ABCB5: variants seen among roughly 807,000 people sequenced by gnomAD.
ABCB5 encodes the protein ATP-binding cassette sub-family B member 5.
A neutral mutation model predicts 144.2 loss-of-function variants in ABCB5; 155 were observed. The observed-to-expected ratio is 1.08, with a 90% CI of 0.94 to 1.23. The LOEUF (loss-of-function observed/expected upper bound fraction) is 1.23, where lower values mean the gene tolerates loss of function less well. ABCB5 is among the 50% of genes most tolerant of loss of function. The pLI, the probability that ABCB5 is intolerant of heterozygous loss-of-function variation, is 0.00. For missense variants in ABCB5, 1,830 were observed against 1,520.8 expected (o/e 1.20, Z -3.38); for synonymous variants, 610 against 528.6 (o/e 1.15, Z -2.11).
chr7:20,651,087 A>C (rs1784567842), intron 12 of ABCB5, among the ~76,000 whole-genome samples: 2 of 152,198 alleles, frequency 1.3e-5, no homozygotes, highest in Admixed American at 6.5e-5. Context: ...GTCACATCCA[A>C]AACTGAAGTT....
intron 1 of ABCB5, 106 bp from the exon 2 acceptor site, chr7:20,623,159 C>T (rs1052686051): frequency 2.8e-6 from 2 of 710,444 alleles, no homozygotes; most frequent in East Asian, 2.9e-5. Context: ...TTCTGAGATG[C>T]TTCCTTTTTC....
At chr7:20,693,454 G>A (rs1381455832) in intron 16 of ABCB5, among the ~76,000 whole-genome samples, 1 of 152,046 alleles carries the variant, frequency 6.6e-6, no homozygotes, top group Non-Finnish European at 1.5e-5. Context: ...AAGTGGTCTG[G>A]GAAACCTTGA....
In ABCB5 at chr7:20,649,913, G is replaced by GT. The variant is rs1280884222; in HGVS notation, c.1207-104dup. 5.6e-6 allele frequency: 7 copies of GT among 1,239,662 alleles called. No individual in the cohort carries two copies. The African/African-American group carries it at 9.2e-5, about 16-fold the overall frequency. The allele number at this position is 1,239,662 out of a possible 1,614,324, so 76.8% of individuals were successfully genotyped here. On this transcript the variant is annotated intron_variant, in intron 11 of 27. Coordinates refer to ENST00000404938, the MANE Select transcript of ABCB5 (RefSeq NM_001163941.2). ...AACAAACATAACAAGATCTAAATTT[G>GT]TTTTTAGAAGAATTTGTTTTTGGTT...
At chr7:20,652,008 A>G (rs1410324925) in intron 13 of ABCB5, among the ~76,000 whole-genome samples, 1 of 152,244 alleles carries the variant, frequency 6.6e-6, no homozygotes, top group Non-Finnish European at 1.5e-5. Context: ...GAAATGCATC[A>G]TTGAAAGGCC....
At chr7:20,618,658 TACA>T (rs1783739217) in intron 1 of ABCB5, among the ~76,000 whole-genome samples, 1 of 151,072 alleles carries the variant, frequency 6.6e-6, no homozygotes, top group African/African-American at 2.4e-5. Flanking sequence ...AGTGAAAACA[TACA>T]ACATTTGGTT....
At chr7:20,656,798 A>T (rs1784807583) in intron 13 of ABCB5, among the ~76,000 whole-genome samples, 1 of 152,180 alleles carries the variant, frequency 6.6e-6, no homozygotes, top group Non-Finnish European at 1.5e-5. Flanking sequence ...TATCTTGTAC[A>T]TGAATATTCA....
At position 20,756,183 on chromosome 7, in the gene ABCB5, G is replaced by A. The variant is rs918054407; in HGVS notation, c.*559G>A. Reference sequence around the variant, plus strand: ...TTTTTGTTGAGCAGGGAATAGAAAGGATTACGATGTAAAATTTCTGGGAGG... The same window carrying A: ...TTTTTGTTGAGCAGGGAATAGAAAGAATTACGATGTAAAATTTCTGGGAGG... On this transcript the variant is annotated 3_prime_UTR_variant, in exon 28 of 28. Coordinates refer to ENST00000404938, the MANE Select transcript of ABCB5 (RefSeq NM_001163941.2). 2.0e-5 allele frequency: 3 copies of A among 152,680 alleles called. No individual in the cohort carries two copies. Among genetic ancestry groups the A allele is most frequent in the African/African-American group, 7.2e-5 (3 of 41,440 alleles). 9.5% of individuals were successfully genotyped at this position (152,680 alleles called of 1,614,324 possible). A position where few individuals can be genotyped will look rare whatever the true frequency, so the allele number is the denominator to read the frequency against.
At chr7:20,636,525 C>A (rs73276596) in intron 5 of ABCB5, among the ~76,000 whole-genome samples, 14,602 of 151,876 alleles carry the variant, frequency 0.096, 806 homozygotes, top group African/African-American at 0.15. Flanking sequence ...TGGCTCACTC[C>A]TGTAATCCCA....
chr7:20,712,844 A>G (rs1562574401), intron 20 of ABCB5, among the ~76,000 whole-genome samples: 1 of 149,886 alleles, frequency 6.7e-6, no homozygotes, highest in Non-Finnish European at 1.5e-5. Flanking sequence ...AGTCATTATG[A>G]AATGGATAAA....
intron 4 of ABCB5, among the ~76,000 whole-genome samples, chr7:20,631,259 T>A (rs141310196): frequency 2.4e-4 from 37 of 152,276 alleles, no homozygotes; most frequent in African/African-American, 8.7e-4. Context: ...GAAATCTCCA[T>A]TTCTGCCACA....
intron 12 of ABCB5, 106 bp from the exon 13 acceptor site, chr7:20,651,314 T>G: frequency 9.9e-7 from 1 of 1,012,498 alleles, no homozygotes; most frequent in South Asian, 1.6e-5. Context: ...AGTCTTTGAT[T>G]TCTAAAATAT....
intron 26 of ABCB5, among the ~76,000 whole-genome samples, chr7:20,750,487 G>A (rs1328370774): frequency 1.3e-5 from 2 of 152,046 alleles, no homozygotes; most frequent in South Asian, 2.1e-4. Flanking sequence ...AAAATGATGT[G>A]AGGATATAAT....
At chr7:20,635,182 T>C (rs1490972018) in intron 5 of ABCB5, among the ~76,000 whole-genome samples, 1 of 152,142 alleles carries the variant, frequency 6.6e-6, no homozygotes, top group Non-Finnish European at 1.5e-5. Flanking sequence ...GTGTATGTTT[T>C]TGTTGGCTTT....
rs1215296242 is a variant in ABCB5, at chr7:20,668,599, G to GT, written c.1707+9923_1707+9924insT. 1.0e-4 allele frequency among the ~76,000 whole-genome samples: 15 copies of GT among 146,142 alleles called. No individual in the cohort carries two copies. The South Asian group carries it at 1.5e-3, about 15-fold the overall frequency. On this transcript the variant is annotated intron_variant, in intron 14 of 27. Coordinates refer to ENST00000404938, the MANE Select transcript of ABCB5 (RefSeq NM_001163941.2). ...CCGTCCGGGAGGGAGGTGGGGGGGG[G>GT]GGTCAGCCCCCCGCCCGGCCAGCCG...
At chr7:20,652,014 A>C (rs564743911) in intron 13 of ABCB5, among the ~76,000 whole-genome samples, 2 of 152,350 alleles carry the variant, frequency 1.3e-5, no homozygotes, top group East Asian at 3.9e-4. Flanking sequence ...CATCATTGAA[A>C]GGCCAGATTG....
rs763832811 is a variant in ABCB5, at chr7:20,643,160, C to A, written c.315-24C>A. ...AGATAAAAATGTTGTGCTTCAGTCTCACATTCTAATACTCTTTCTTCAGGT... is the reference window on the plus strand; with the variant it reads ...AGATAAAAATGTTGTGCTTCAGTCTAACATTCTAATACTCTTTCTTCAGGT... On this transcript the variant is annotated intron_variant, in intron 5 of 27. Transcript: ENST00000404938. 13 of 1,572,232 alleles carry A rather than the reference C, an allele frequency of 8.3e-6. No homozygotes were observed. The South Asian group carries it at 1.5e-4, about 18-fold the overall frequency.
At chr7:20,746,264 A>G (rs1782718977) in intron 26 of ABCB5, among the ~76,000 whole-genome samples, 1 of 151,800 alleles carries the variant, frequency 6.6e-6, no homozygotes, top group African/African-American at 2.4e-5. Context: ...CGCCCGGCTA[A>G]TTTTTTGTAT....
At chr7:20,659,775 C>A (rs1784938874) in intron 14 of ABCB5, 2 of 984,916 alleles carry the variant, frequency 2.0e-6, no homozygotes, top group South Asian at 4.7e-5. Flanking sequence ...CCTCTGCCCA[C>A]TGTGTTCAAG....
rs772885348 is a variant in ABCB5, at chr7:20,755,665, AAAG to A, written c.*45_*47del. On this transcript the variant is annotated 3_prime_UTR_variant, in exon 28 of 28. Coordinates refer to ENST00000404938, the MANE Select transcript of ABCB5 (RefSeq NM_001163941.2). ...ACATATTTTGATGTTCGTGTAATGC[AAAG>A]AAGGAGTACTTAATAATTACTTGGC... 3.2e-6 allele frequency: 5 copies of A among 1,578,218 alleles called. No individual in the cohort carries two copies. The South Asian group carries it at 4.5e-5, about 14-fold the overall frequency.
Sources: gnomAD v4.1 joint callset for allele counts (sites outside exome capture counted in the v4.1 genomes callset) on GRCh38, gnomAD v4.1.1 for gene constraint, MANE v1.5 for transcripts, NCBI Gene and HGNC (gene_info 2026-07-23, HGNC 2026-07-21) for gene names.